Variants in TSHZ2 observed in about 807,000 individuals in gnomAD.
TSHZ2 encodes the protein teashirt homolog 2.
TSHZ2 carries 21 observed loss-of-function variants against 74.4 expected under a neutral mutation model. That is an observed-to-expected ratio of 0.28 (90% CI 0.20 to 0.41). TSHZ2 has a LOEUF of 0.41. Among genes scored for constraint, TSHZ2 ranks in the 10% least tolerant of loss-of-function variants. The pLI, the probability that TSHZ2 is intolerant of heterozygous loss-of-function variation, is 1.00. For missense variants in TSHZ2, 1,244 were observed against 1,293.5 expected (o/e 0.96, Z 0.59); for synonymous variants, 540 against 515.3 (o/e 1.05, Z -0.65).
At chr20:53,341,183 T>C (rs932269999) in intron 2 of TSHZ2, among the ~76,000 whole-genome samples, 7 of 152,226 alleles carry the variant, frequency 4.6e-5, no homozygotes, top group Admixed American at 6.5e-5. Context: ...AGTTTGCTTG[T>C]CCTTGAGGAG....
In TSHZ2 at chr20:53,165,299, G is replaced by A. The variant is rs137923001; in HGVS notation, c.41-88200G>A. On this transcript the variant is annotated intron_variant, in intron 1 of 2. Transcript: ENST00000371497. Reference sequence around the variant, plus strand: ...CTAATTTTTCCTGTCTGACAGATGAGGAAACTGAGGAAATAACTAGTAAGT... The same window carrying A: ...CTAATTTTTCCTGTCTGACAGATGAAGAAACTGAGGAAATAACTAGTAAGT... Among the ~76,000 whole-genome samples the A allele has an allele frequency of 5.3e-5, 8 of 152,312 alleles. No homozygotes were observed. In the East Asian group the frequency reaches 1.5e-3, roughly 29 times the overall value.
chr20:53,490,626 T>G lies in TSHZ2; in HGVS notation c.*3491T>G, dbSNP rs1373450955. The stretch of plus-strand genomic sequence containing the variant: ...GAATTTCTTTCAGGTCACAGATTTC[T>G]TAAAACTCACCCCCAAAATGTGCCT... On this transcript the variant is annotated 3_prime_UTR_variant, in exon 3 of 3. Transcript: ENST00000371497. 1.3e-5 allele frequency: 2 copies of G among 152,242 alleles called. No homozygotes were observed. Among genetic ancestry groups the G allele is most frequent in the Non-Finnish European group, 1.5e-5 (1 of 68,038 alleles). 9.4% of individuals were successfully genotyped at this position (152,242 alleles called of 1,614,324 possible). A position where few individuals can be genotyped will look rare whatever the true frequency, so the allele number is the denominator to read the frequency against.
At chr20:53,473,895 G>C (rs1427334108) in intron 2 of TSHZ2, among the ~76,000 whole-genome samples, 5 of 152,218 alleles carry the variant, frequency 3.3e-5, no homozygotes, top group Non-Finnish European at 1.5e-5. Context: ...TCAACTGGAA[G>C]AAAGGGTATC....
At chr20:53,461,000 C>T (rs1600658959) in intron 2 of TSHZ2, among the ~76,000 whole-genome samples, 1 of 152,210 alleles carries the variant, frequency 6.6e-6, no homozygotes, top group African/African-American at 2.4e-5. Context: ...TTTTGTTTGT[C>T]TGTGCCCTGC....
rs12624658 is a variant in TSHZ2 at position 53,036,296 on chromosome 20, G to A, written c.40+62963G>A. 2.4e-4 allele frequency among the ~76,000 whole-genome samples: 37 copies of A among 152,118 alleles called. No individual in the cohort carries two copies. In the East Asian group the frequency reaches 6.9e-3, roughly 29 times the overall value. ...TAAACATTAATTAAGTATCTGCTTTGTGCAAGACACTGTGATCCGAATAAG... is the reference window on the plus strand; with the variant it reads ...TAAACATTAATTAAGTATCTGCTTTATGCAAGACACTGTGATCCGAATAAG... On this transcript the variant is annotated intron_variant, in intron 1 of 2. Transcript: ENST00000371497.
At chr20:52,991,954 T>C (rs1982013388) in intron 1 of TSHZ2, among the ~76,000 whole-genome samples, 1 of 152,204 alleles carries the variant, frequency 6.6e-6, no homozygotes, top group African/African-American at 2.4e-5. Context: ...GACGTCACAG[T>C]GTATTTTCCT....
intron 1 of TSHZ2, among the ~76,000 whole-genome samples, chr20:53,147,880 CT>C (rs1987581159): frequency 6.6e-6 from 1 of 152,154 alleles, no homozygotes; most frequent in African/African-American, 2.4e-5. Context: ...CCACGCCTGG[CT>C]AACTTTTGTA....
chr20:53,269,298 A>G (rs1343468632), intron 2 of TSHZ2, among the ~76,000 whole-genome samples: 1 of 141,470 alleles, frequency 7.1e-6, no homozygotes, highest in Non-Finnish European at 1.5e-5. Context: ...GTGCCACTTT[A>G]TTTGAAGGAA....
At chr20:53,106,391 C>CTTTGTTTTT (rs1986366736) in intron 1 of TSHZ2, among the ~76,000 whole-genome samples, 1 of 58,938 alleles carries the variant, frequency 1.7e-5, no homozygotes, top group African/African-American at 7.0e-5. Flanking sequence ...CTCACACTTT[C>CTTTGTTTTT]TTTTTTTTTT....
chr20:53,158,952 C>T (rs1334291089), intron 1 of TSHZ2, among the ~76,000 whole-genome samples: 1 of 152,218 alleles, frequency 6.6e-6, no homozygotes, highest in Non-Finnish European at 1.5e-5. Context: ...TCCTTCATTA[C>T]ATTTATTTTT....
At chr20:53,003,293 T>TGA (rs1568714504) in intron 1 of TSHZ2, among the ~76,000 whole-genome samples, 1 of 143,304 alleles carries the variant, frequency 7.0e-6, no homozygotes, top group African/African-American at 2.5e-5. Flanking sequence ...TGTGTGTGTG[T>TGA]GTGAAATTTT....
intron 1 of TSHZ2, among the ~76,000 whole-genome samples, chr20:53,227,470 A>G (rs1289138284): frequency 6.8e-6 from 1 of 147,482 alleles, no homozygotes; most frequent in Non-Finnish European, 1.5e-5. Flanking sequence ...GAAAACACAC[A>G]CACACACACA....
chr20:53,160,535 G>A (rs898873474), intron 1 of TSHZ2, among the ~76,000 whole-genome samples: 3 of 152,088 alleles, frequency 2.0e-5, no homozygotes, highest in South Asian at 2.1e-4. Flanking sequence ...TTGGGAGGCT[G>A]AGGTAGACAG....
chr20:53,393,788 G>A (rs1282477822), intron 2 of TSHZ2, among the ~76,000 whole-genome samples: 4 of 152,122 alleles, frequency 2.6e-5, no homozygotes, highest in Admixed American at 1.3e-4. Flanking sequence ...TAAGATTGAC[G>A]TCTCCACGGG....
At chr20:53,341,751 C>T (rs2145569659) in intron 2 of TSHZ2, among the ~76,000 whole-genome samples, 1 of 152,204 alleles carries the variant, frequency 6.6e-6, no homozygotes, top group South Asian at 2.1e-4. Context: ...TGCTCTGTTG[C>T]CCAGGCTGGA....
In TSHZ2 at chr20:53,452,582, CAGTG is replaced by C. The variant is rs1447740831; in HGVS notation, c.*9-34559_*9-34556del. ...CCACCGCACTCTAGCCTGGGTGACA[CAGTG>C]AGACTCTGTCTCAAAAAAAAAAAAA... On this transcript the variant is annotated intron_variant, in intron 2 of 2. Transcript: ENST00000371497. 9.6e-5 allele frequency among the ~76,000 whole-genome samples: 13 copies of C among 135,358 alleles called. No homozygotes were observed. In the Admixed American group the frequency reaches 1.0e-3, roughly 11 times the overall value. 88.8% of individuals were successfully genotyped at this position (135,358 alleles called of 152,430 possible).
intron 2 of TSHZ2, among the ~76,000 whole-genome samples, chr20:53,326,657 T>A (rs552054607): frequency 5.1e-4 from 78 of 152,300 alleles, no homozygotes; most frequent in African/African-American, 1.7e-3. Flanking sequence ...GTGGTATAAC[T>A]GTTTGGTAGT....
At chr20:53,036,118 T>C (rs1328212857) in intron 1 of TSHZ2, among the ~76,000 whole-genome samples, 1 of 152,212 alleles carries the variant, frequency 6.6e-6, no homozygotes, top group African/African-American at 2.4e-5. Context: ...AATATGCTAT[T>C]GTGTGCAGAG....
chr20:53,434,081 G>A (rs1219568672), intron 2 of TSHZ2, among the ~76,000 whole-genome samples: 1 of 152,050 alleles, frequency 6.6e-6, no homozygotes, highest in Admixed American at 6.6e-5. Context: ...ATGTTGGCTG[G>A]GCTGATCTTG....
Sources: allele counts gnomAD v4.1 joint callset (sites outside exome capture counted in the v4.1 genomes callset), GRCh38; gene constraint gnomAD v4.1.1; transcripts MANE v1.5; gene names NCBI Gene and HGNC (gene_info 2026-07-23, HGNC 2026-07-21).